The following BICC1 variants were observed in gnomAD, a reference collection of about 807,000 sequenced individuals.
BICC1 encodes protein bicaudal C homolog 1.
In BICC1, 43 loss-of-function variants were observed where a neutral mutation model predicts 111.0. The ratio of observed to expected loss-of-function variants is 0.39; its 90% CI spans 0.30 to 0.50. The LOEUF (loss-of-function observed/expected upper bound fraction) is 0.50, where lower values mean the gene tolerates loss of function less well. Among genes scored for constraint, BICC1 ranks in the 20% least tolerant of loss-of-function variants. The pLI is 0.88. For synonymous variants in BICC1, 467 were observed against 434.4 expected, an observed-to-expected ratio of 1.07 and a Z score of -0.93; for missense variants, 1,091 against 1,203.2, an observed-to-expected ratio of 0.91 and a Z score of 1.38.
Position 58,806,177 on chromosome 10 carries a change from C to A in BICC1, c.2182-407C>A, listed in dbSNP as rs753017987. ...CTAAATGAAGAGGGGATTTTTGAGACCCTAAGGGGGCCAATAGATACATGA... is the reference window on the plus strand; with the variant it reads ...CTAAATGAAGAGGGGATTTTTGAGAACCTAAGGGGGCCAATAGATACATGA... On this transcript the variant is annotated intron_variant, in intron 15 of 20. Transcript: ENST00000373886. Among the ~76,000 whole-genome samples the A allele has an allele frequency of 5.9e-5, 9 of 152,218 alleles. No individual in the cohort carries two copies. The East Asian group carries it at 1.7e-3, about 29-fold the overall frequency.
At chr10:58,785,703 G>A (rs915681518) in intron 4 of BICC1, among the ~76,000 whole-genome samples, 1 of 152,182 alleles carries the variant, frequency 6.6e-6, no homozygotes, top group Admixed American at 6.5e-5. Context: ...ACTTCGCTAA[G>A]TACTCTACAT....
At chr10:58,584,311 C>T (rs1480837630) in intron 1 of BICC1, among the ~76,000 whole-genome samples, 2 of 152,164 alleles carry the variant, frequency 1.3e-5, no homozygotes, top group African/African-American at 4.8e-5. Flanking sequence ...CTGTTGTCCT[C>T]CAAAGGTAAC....
chr10:58,572,885 G>A (rs533077709), intron 1 of BICC1, among the ~76,000 whole-genome samples: 4 of 152,210 alleles, frequency 2.6e-5, no homozygotes, highest in Admixed American at 6.5e-5. Context: ...GGTAGTCTTC[G>A]ATGGCATGGT....
intron 3 of BICC1, among the ~76,000 whole-genome samples, chr10:58,718,340 A>G (rs946582025): frequency 6.6e-6 from 1 of 152,142 alleles, no homozygotes; most frequent in East Asian, 1.9e-4. Flanking sequence ...CACTAATGCT[A>G]TTTAGGAGGA....
chr10:58,632,906 AT>A (rs1588952091), intron 2 of BICC1, among the ~76,000 whole-genome samples: 1 of 152,214 alleles, frequency 6.6e-6, no homozygotes, highest in East Asian at 1.9e-4. Flanking sequence ...TGAGCTAGTT[AT>A]TTAAAAATTC....
chr10:58,529,599 G>C (rs1420189200), intron 1 of BICC1, among the ~76,000 whole-genome samples: 1 of 151,864 alleles, frequency 6.6e-6, no homozygotes, highest in Non-Finnish European at 1.5e-5. Context: ...AGAGAAATGT[G>C]TGTTTGGCTT....
At chr10:58,541,359 G>A (rs899662844) in intron 1 of BICC1, among the ~76,000 whole-genome samples, 1 of 152,066 alleles carries the variant, frequency 6.6e-6, no homozygotes, top group Non-Finnish European at 1.5e-5. Flanking sequence ...TAGCAAAGTT[G>A]CAGGACACAA....
At chr10:58,793,813 T>G (rs950622479) in intron 9 of BICC1, among the ~76,000 whole-genome samples, 198 bp downstream of exon 9, 6 of 152,194 alleles carry the variant, frequency 3.9e-5, no homozygotes, top group Middle Eastern at 3.2e-3. Context: ...CATTGGAGCA[T>G]TTTAGATTTT....
intron 1 of BICC1, among the ~76,000 whole-genome samples, chr10:58,608,228 G>A (rs1845295843): frequency 6.6e-6 from 1 of 151,794 alleles, no homozygotes; most frequent in African/African-American, 2.4e-5. Flanking sequence ...TGCTTCCACT[G>A]CCCCAAAACC....
intron 3 of BICC1, among the ~76,000 whole-genome samples, chr10:58,759,726 G>A (rs1049484537): frequency 1.4e-4 from 22 of 152,072 alleles, no homozygotes; most frequent in African/African-American, 5.1e-4. Context: ...TTGGGAGGCC[G>A]AGGCGGGTGG....
chr10:58,582,872 C>T (rs768920383), intron 1 of BICC1, among the ~76,000 whole-genome samples: 5 of 152,158 alleles, frequency 3.3e-5, no homozygotes, highest in African/African-American at 4.8e-5. Context: ...ACTCAGAGAA[C>T]GCAGGATAAT....
In BICC1 at chr10:58,789,738, T is replaced by G. The variant is rs747510421; in HGVS notation, c.852T>G (p.Pro284=). Residue 284 remains proline, a synonymous_variant, in exon 8 of 21, where the codon CCT becomes CCG. Coordinates refer to ENST00000373886, the MANE Select transcript of BICC1 (RefSeq NM_001080512.3). Reference sequence around the variant, plus strand: ...CTGGGAGCTTAGCATCAGCTATTCCTGTGAGCACACAACTAGATATTGCAG... The same window carrying G: ...CTGGGAGCTTAGCATCAGCTATTCCGGTGAGCACACAACTAGATATTGCAG... ...HLAGSLASAI[P]VSTQLDIAAQ... The G allele has an allele frequency of 2.5e-6, 4 of 1,614,116 alleles. No homozygotes were observed. Among genetic ancestry groups the G allele is most frequent in the South Asian group, 2.2e-5 (2 of 91,084 alleles).
chr10:58,521,595 G>A (rs1245385130), intron 1 of BICC1, among the ~76,000 whole-genome samples: 2 of 151,838 alleles, frequency 1.3e-5, no homozygotes, highest in Admixed American at 1.3e-4. Flanking sequence ...TTATACCTGC[G>A]GTTCCCACAG....
chr10:58,525,114 G>A lies in BICC1; in HGVS notation c.190+11781G>A, dbSNP rs568158593. Among the ~76,000 whole-genome samples the A allele has an allele frequency of 2.8e-5, 4 of 141,656 alleles. No homozygotes were observed. The East Asian group carries it at 8.6e-4, about 31-fold the overall frequency. 92.9% of individuals were successfully genotyped at this position (141,656 alleles called of 152,430 possible). ...TAGGAACACTTTTACACTGTTGGTGGTACTGTAAGCTAGTTCAACCATTGT... is the reference window on the plus strand; with the variant it reads ...TAGGAACACTTTTACACTGTTGGTGATACTGTAAGCTAGTTCAACCATTGT... On this transcript the variant is annotated intron_variant, in intron 1 of 20. Transcript: ENST00000373886.
At position 58,672,597 on chromosome 10, in the gene BICC1, A is replaced by G. The variant is rs1320007940; in HGVS notation, c.238-29477A>G. 2.6e-5 allele frequency among the ~76,000 whole-genome samples: 4 copies of G among 152,150 alleles called. No homozygotes were observed. The East Asian group carries it at 7.7e-4, about 29-fold the overall frequency. Reference sequence around the variant, plus strand: ...ATGACACTTAACTTTGTAATTATATATCGGCAAGTGGTGTTTGACAGTTTG... The same window carrying G: ...ATGACACTTAACTTTGTAATTATATGTCGGCAAGTGGTGTTTGACAGTTTG... On this transcript the variant is annotated intron_variant, in intron 2 of 20. Coordinates refer to ENST00000373886, the MANE Select transcript of BICC1 (RefSeq NM_001080512.3).
chr10:58,670,611 G>A (rs1198108992), intron 2 of BICC1, among the ~76,000 whole-genome samples: 1 of 152,212 alleles, frequency 6.6e-6, no homozygotes, highest in African/African-American at 2.4e-5. Context: ...GACTTGAACA[G>A]TAGAGGGAAT....
chr10:58,563,426 A>G (rs1843666558), intron 1 of BICC1, among the ~76,000 whole-genome samples: 1 of 152,132 alleles, frequency 6.6e-6, no homozygotes. Flanking sequence ...GTGGCAACGG[A>G]GGCTACCTCT....
chr10:58,569,265 T>C (rs1225661699), intron 1 of BICC1, among the ~76,000 whole-genome samples: 1 of 152,202 alleles, frequency 6.6e-6, no homozygotes, highest in Non-Finnish European at 1.5e-5. Flanking sequence ...TACAGTTTCC[T>C]GGAAGTTCTT....
intron 2 of BICC1, among the ~76,000 whole-genome samples, chr10:58,637,075 G>C (rs1012621961): frequency 6.6e-6 from 1 of 150,926 alleles, no homozygotes; most frequent in Non-Finnish European, 1.5e-5. Flanking sequence ...AGCTGTGATC[G>C]TAACTTTTAT....
Sources: gnomAD v4.1 joint callset for allele counts (sites outside exome capture counted in the v4.1 genomes callset) on GRCh38, gnomAD v4.1.1 for gene constraint, MANE v1.5 for transcripts, NCBI Gene and HGNC (gene_info 2026-07-23, HGNC 2026-07-21) for gene names.